LOXL2: variants seen among roughly 807,000 people sequenced by gnomAD.
LOXL2 encodes lysyl oxidase like 2.
Under a neutral mutation model 93.0 loss-of-function variants are expected in LOXL2, and 70 were observed. That is an observed-to-expected ratio of 0.75 (90% CI 0.62 to 0.92). The LOEUF is 0.92. Ranked by LOEUF, LOXL2 falls within the 40% of genes least tolerant of loss-of-function variation. The probability of loss-of-function intolerance (pLI) is 0.00; values close to 1 mark genes in which losing one functional copy is unlikely to be tolerated. For synonymous variants in LOXL2, 438 were observed against 413.2 expected, an observed-to-expected ratio of 1.06 and a Z score of -0.73; for missense variants, 973 against 1,054.9, an observed-to-expected ratio of 0.92 and a Z score of 1.08.
At chr8:23,340,597 C>G (rs1803866320) in intron 4 of LOXL2, among the ~76,000 whole-genome samples, 1 of 152,222 alleles carries the variant, frequency 6.6e-6, no homozygotes, top group African/African-American at 2.4e-5. Flanking sequence ...AATATTTCTT[C>G]TTAAGTTGGT....
chr8:23,376,553 C>A (rs56657390), intron 1 of LOXL2, among the ~76,000 whole-genome samples: 1 of 151,744 alleles, frequency 6.6e-6, no homozygotes, highest in South Asian at 2.1e-4. Context: ...AATTCGGCTG[C>A]GAATCTGTCT....
At chr8:23,350,440 C>T (rs56257207) in intron 3 of LOXL2, among the ~76,000 whole-genome samples, 28,846 of 151,898 alleles carry the variant, frequency 0.19, 3,658 homozygotes, top group African/African-American at 0.36. Flanking sequence ...CGTGGTGGCA[C>T]GCACCTGTAA....
At position 23,297,979 on chromosome 8, in the gene LOXL2, T is replaced by TG. The variant is rs1563182421; in HGVS notation, c.*63dup. 2.1e-6 allele frequency: 3 copies of TG among 1,398,424 alleles called. No homozygotes were observed. The highest frequency in any genetic ancestry group is 3.0e-6 in the Non-Finnish European group (3 of 992,580). The allele number at this position is 1,398,424 out of a possible 1,614,324, so 86.6% of individuals were successfully genotyped here. A position where few individuals can be genotyped will look rare whatever the true frequency, so the allele number is the denominator to read the frequency against. ...GTGGCATTCGTTCAGACTCAGTTGT[T>TG]GGGGGGAAGTCCCATGGAAGATGTG... On this transcript the variant is annotated 3_prime_UTR_variant, in exon 14 of 14. Coordinates refer to ENST00000389131, the MANE Select transcript of LOXL2 (RefSeq NM_002318.3).
chr8:23,352,429 A>G (rs1238208244), intron 3 of LOXL2, among the ~76,000 whole-genome samples: 1 of 152,080 alleles, frequency 6.6e-6, no homozygotes, highest in Non-Finnish European at 1.5e-5. Context: ...TTTTTCCCCA[A>G]ACCACCCAGT....
chr8:23,387,603 T>G (rs1207098770), intron 1 of LOXL2, among the ~76,000 whole-genome samples: 1 of 152,212 alleles, frequency 6.6e-6, no homozygotes, highest in Non-Finnish European at 1.5e-5. Context: ...CCCACTTAGA[T>G]TTTTCTAAGT....
chr8:23,354,950 T>TATATATATATATATATATATATATATATA (rs1491334754), intron 3 of LOXL2, among the ~76,000 whole-genome samples: 1 of 17,958 alleles, frequency 5.6e-5, no homozygotes, highest in Admixed American at 9.8e-4. Context: ...TATATATATA[T>TATATATATATATATATATATATATATATA]TTTTTTTTTT....
intron 10 of LOXL2, among the ~76,000 whole-genome samples, chr8:23,306,798 C>T (rs1440111421): frequency 6.6e-6 from 1 of 152,248 alleles, no homozygotes; most frequent in Non-Finnish European, 1.5e-5. Flanking sequence ...GCATCTGTGC[C>T]CCATGCTTTG....
Position 23,368,287 on chromosome 8 carries a change from A to AG in LOXL2, c.64dup (p.Leu22ProfsTer7). Reference sequence around the variant, plus strand: ...CCAGCTGTCATACTGTGCCAGGCTCAGGGGGGACAGGAGGGCCAGCATAGC... The same window carrying AG: ...CCAGCTGTCATACTGTGCCAGGCTCAGGGGGGGACAGGAGGGCCAGCATAGC... On this transcript the variant is annotated frameshift_variant, in exon 2 of 14. Coordinates refer to ENST00000389131, the MANE Select transcript of LOXL2 (RefSeq NM_002318.3). LOFTEE classifies it high-confidence loss of function. 1.2e-6 allele frequency: 2 copies of AG among 1,613,532 alleles called. No individual in the cohort carries two copies. The highest frequency in any genetic ancestry group is 1.7e-6 in the Non-Finnish European group (2 of 1,180,002).
At chr8:23,394,611 C>G (rs952393660) in intron 1 of LOXL2, among the ~76,000 whole-genome samples, 3 of 151,950 alleles carry the variant, frequency 2.0e-5, no homozygotes, top group Non-Finnish European at 2.9e-5. Flanking sequence ...AAAGTGTCCC[C>G]AAAGATGTGG....
At chr8:23,344,676 C>G (rs1475559422) in intron 3 of LOXL2, among the ~76,000 whole-genome samples, 4 of 107,472 alleles carry the variant, frequency 3.7e-5, no homozygotes, top group East Asian at 4.8e-4. Flanking sequence ...TGTGCACTCT[C>G]CCTGTATGTG....
At chr8:23,313,569 G>C (rs1321418275) in intron 9 of LOXL2, among the ~76,000 whole-genome samples, 3 of 152,022 alleles carry the variant, frequency 2.0e-5, no homozygotes. Context: ...TTTAATAAAT[G>C]GTGCTGAGAA....
chr8:23,328,021 C>T (rs10106217), intron 6 of LOXL2, among the ~76,000 whole-genome samples: 18,371 of 146,696 alleles, frequency 0.13, 2,074 homozygotes, highest in African/African-American at 0.3. Context: ...ACTCGGAGGC[C>T]CTCTCCTGCA....
At chr8:23,329,784 G>A (rs1004042812) in intron 5 of LOXL2, among the ~76,000 whole-genome samples, 2 of 152,202 alleles carry the variant, frequency 1.3e-5, no homozygotes, top group Non-Finnish European at 2.9e-5. Flanking sequence ...GCCACGGCGA[G>A]GCAGGCCTGG....
intron 10 of LOXL2, among the ~76,000 whole-genome samples, chr8:23,308,901 T>C (rs1803275282): frequency 1.3e-5 from 2 of 152,060 alleles, no homozygotes; most frequent in South Asian, 4.1e-4. Context: ...CTCAGGACTC[T>C]TGGGCCTAGA....
At chr8:23,328,883 A>C in intron 5 of LOXL2, 1 of 247,326 alleles carries the variant, frequency 4.0e-6, no homozygotes. Context: ...CATCACCCCA[A>C]CCTTTGCGTG....
At chr8:23,349,451 C>G (rs971431941) in intron 3 of LOXL2, among the ~76,000 whole-genome samples, 3 of 152,164 alleles carry the variant, frequency 2.0e-5, no homozygotes, top group Admixed American at 6.5e-5. Context: ...GTCCCAAGTG[C>G]TGTGTGAGAC....
intron 3 of LOXL2, among the ~76,000 whole-genome samples, chr8:23,349,127 A>G (rs1197936512): frequency 6.6e-6 from 1 of 152,020 alleles, no homozygotes; most frequent in East Asian, 1.9e-4. Flanking sequence ...TTGCCCTTCT[A>G]TCAGCTTGCC....
chr8:23,393,196 T>G (rs542082289), intron 1 of LOXL2, among the ~76,000 whole-genome samples: 2 of 152,166 alleles, frequency 1.3e-5, no homozygotes, highest in East Asian at 3.8e-4. Flanking sequence ...TTTGCAGAAA[T>G]TGACAAGCTG....
chr8:23,396,479 T>C (rs1286966466), intron 1 of LOXL2, among the ~76,000 whole-genome samples: 2 of 152,020 alleles, frequency 1.3e-5, no homozygotes, highest in East Asian at 3.9e-4. Context: ...AAGGCAGGAG[T>C]TCTCCAGGTG....
Sources: gnomAD v4.1 joint callset for allele counts (sites outside exome capture counted in the v4.1 genomes callset) on GRCh38, gnomAD v4.1.1 for gene constraint, MANE v1.5 for transcripts, NCBI Gene and HGNC (gene_info 2026-07-23, HGNC 2026-07-21) for gene names.